The following MGAT4C variants were observed in gnomAD, a reference collection of about 807,000 sequenced individuals.
The protein encoded by MGAT4C is alpha-1,3-mannosyl-glycoprotein 4-beta-N-acetylglucosaminyltransferase C.
Under a neutral mutation model 40.1 loss-of-function variants are expected in MGAT4C, and 19 were observed. The ratio of observed to expected loss-of-function variants is 0.47; its 90% CI spans 0.33 to 0.70. MGAT4C has a LOEUF of 0.70. Ranked by LOEUF, MGAT4C falls within the 30% of genes least tolerant of loss-of-function variation. The pLI, the probability that MGAT4C is intolerant of heterozygous loss-of-function variation, is 0.02. For synonymous variants in MGAT4C, 181 were observed against 187.1 expected (o/e 0.97, Z 0.27); for missense variants, 491 against 563.2 (o/e 0.87, Z 1.30).
intron 2 of MGAT4C, chr12:86,002,499 G>C (rs924812949): frequency 7.9e-5 from 12 of 151,954 alleles, no homozygotes; most frequent in African/African-American, 2.9e-4. Flanking sequence ...GAGGAAATAA[G>C]AGAGTATTAC....
intron 1 of MGAT4C, among the ~76,000 whole-genome samples, chr12:86,227,018 A>C (rs1951114272): frequency 6.6e-6 from 1 of 151,716 alleles, no homozygotes; most frequent in African/African-American, 2.4e-5. Flanking sequence ...TGAACTTTAA[A>C]CTTCATTGCA....
intron 1 of MGAT4C, among the ~76,000 whole-genome samples, chr12:86,813,254 T>C (rs1327036995): frequency 6.6e-6 from 1 of 151,568 alleles, no homozygotes. Context: ...GAGCTATCAA[T>C]TTTATCATTA....
At chr12:86,771,109 G>C (rs944055306) in intron 1 of MGAT4C, among the ~76,000 whole-genome samples, 2 of 152,092 alleles carry the variant, frequency 1.3e-5, no homozygotes, top group Non-Finnish European at 2.9e-5. Context: ...TGAAGACATG[G>C]AGATAAGACA....
At chr12:86,305,659 T>C (rs902391443) in intron 4 of MGAT4C, among the ~76,000 whole-genome samples, 3 of 150,372 alleles carry the variant, frequency 2.0e-5, no homozygotes, top group Non-Finnish European at 4.4e-5. Flanking sequence ...AAGTCTTTTA[T>C]GTTAAGTGGT....
chr12:86,441,942 C>G (rs1247422625), intron 2 of MGAT4C, among the ~76,000 whole-genome samples: 2 of 152,174 alleles, frequency 1.3e-5, no homozygotes, highest in African/African-American at 2.4e-5. Flanking sequence ...AATGGTTGAA[C>G]TACTTCACGT....
chr12:86,416,163 A>G (rs1005232653), intron 3 of MGAT4C, among the ~76,000 whole-genome samples: 6 of 152,078 alleles, frequency 3.9e-5, no homozygotes, highest in Non-Finnish European at 8.8e-5. Flanking sequence ...AAGTCAAGAT[A>G]GCTAAGAAAG....
intron 2 of MGAT4C, among the ~76,000 whole-genome samples, chr12:86,708,845 C>T (rs1352648105): frequency 1.3e-5 from 2 of 152,184 alleles, no homozygotes; most frequent in African/African-American, 4.8e-5. Context: ...ACACCTGTAT[C>T]CCCATTTTAT....
intron 2 of MGAT4C, among the ~76,000 whole-genome samples, chr12:86,450,973 C>G (rs1957417253): frequency 6.6e-6 from 1 of 151,938 alleles, no homozygotes; most frequent in South Asian, 2.1e-4. Flanking sequence ...TTATTTTTGT[C>G]ATATATCTGG....
At chr12:86,052,930 T>C (rs532973698) in intron 1 of MGAT4C, among the ~76,000 whole-genome samples, 18 of 152,108 alleles carry the variant, frequency 1.2e-4, no homozygotes, top group African/African-American at 4.1e-4. Context: ...AGGTTTCATC[T>C]CTATAAGCTG....
intron 1 of MGAT4C, among the ~76,000 whole-genome samples, chr12:86,739,623 A>G (rs1017800743): frequency 1.3e-4 from 20 of 151,070 alleles, no homozygotes; most frequent in African/African-American, 3.9e-4. Flanking sequence ...CAATTTACAT[A>G]GCATTTACAT....
chr12:86,408,780 C>CAA (rs1192176410), intron 3 of MGAT4C, among the ~76,000 whole-genome samples: 1 of 151,634 alleles, frequency 6.6e-6, no homozygotes, highest in Admixed American at 6.6e-5. Context: ...TAATTGTTAT[C>CAA]AAAAAGGAGA....
chr12:86,502,915 G>T (rs1958384249), intron 2 of MGAT4C, among the ~76,000 whole-genome samples: 3 of 8,804 alleles, frequency 3.4e-4, no homozygotes, highest in Admixed American at 1.8e-3. Flanking sequence ...TATGAGTTCT[G>T]CTCATATATA....
chr12:86,658,790 G>C (rs1963907959), intron 2 of MGAT4C, among the ~76,000 whole-genome samples: 1 of 152,058 alleles, frequency 6.6e-6, no homozygotes, highest in Non-Finnish European at 1.5e-5. Context: ...TTCTTGTCCA[G>C]TTGACTTTAG....
intron 3 of MGAT4C, among the ~76,000 whole-genome samples, chr12:86,387,103 A>G (rs1306479864): frequency 3.9e-5 from 6 of 152,184 alleles, no homozygotes; most frequent in African/African-American, 1.4e-4. Context: ...AGACACTGTA[A>G]TAAGTCTTTC....
intron 3 of MGAT4C, among the ~76,000 whole-genome samples, chr12:86,426,794 A>G (rs1381766422): frequency 6.6e-6 from 1 of 152,130 alleles, no homozygotes; most frequent in Non-Finnish European, 1.5e-5. Context: ...AAAAATACAA[A>G]AAATTAGCCA....
chr12:86,788,992 T>G (rs372508011), intron 1 of MGAT4C, among the ~76,000 whole-genome samples: 31 of 152,228 alleles, frequency 2.0e-4, no homozygotes, highest in African/African-American at 7.5e-4. Context: ...TACTTGAAAA[T>G]GTGTAGCTCA....
At chr12:86,785,923 T>C (rs942355868) in intron 1 of MGAT4C, among the ~76,000 whole-genome samples, 1 of 152,054 alleles carries the variant, frequency 6.6e-6, no homozygotes, top group South Asian at 2.1e-4. Context: ...AAAAAACCAG[T>C]ATGCAACTTA....
chr12:86,075,049 T>C (rs1378464451), intron 1 of MGAT4C, among the ~76,000 whole-genome samples: 3 of 152,178 alleles, frequency 2.0e-5, no homozygotes, highest in African/African-American at 7.2e-5. Flanking sequence ...TCCCCCAATC[T>C]TAACTCATTT....
intron 4 of MGAT4C, among the ~76,000 whole-genome samples, chr12:86,308,277 T>C (rs1319093678): frequency 1.3e-5 from 2 of 150,620 alleles, no homozygotes; most frequent in Non-Finnish European, 2.9e-5. Flanking sequence ...GAAAAGAATT[T>C]CCAAATACCT....
Sources: gnomAD v4.1 joint callset for allele counts (sites outside exome capture counted in the v4.1 genomes callset) on GRCh38, gnomAD v4.1.1 for gene constraint, MANE v1.5 for transcripts, NCBI Gene and HGNC (gene_info 2026-07-23, HGNC 2026-07-21) for gene names.